The following ZC4H2 variants were observed in gnomAD, a reference collection of about 807,000 sequenced individuals.
ZC4H2 encodes zinc finger C4H2 domain-containing protein.
For synonymous variants in ZC4H2, 84 were observed against 66.3 expected, an observed-to-expected ratio of 1.27 and a Z score of -1.30; for missense variants, 137 against 173.9, an observed-to-expected ratio of 0.79 and a Z score of 1.19.
At chrX:65,023,159 T>A (rs1391586127) in intron 1 of ZC4H2, among the ~76,000 whole-genome samples, 1 of 111,667 alleles carries the variant, frequency 9.0e-6, no homozygotes, top group Non-Finnish European at 1.9e-5. Context: ...TTTGGTTCCA[T>A]ATGAAATTTA....
chrX:64,949,457 C>T (rs980081545), intron 1 of ZC4H2, among the ~76,000 whole-genome samples: 6 of 111,226 alleles, frequency 5.4e-5, no homozygotes, highest in African/African-American at 2.0e-4. Context: ...GATGGCCTTC[C>T]CAAAATCAAA....
intron 4 of ZC4H2, 31 bp from the exon 5 acceptor site, chrX:64,917,927 G>A: frequency 8.4e-7 from 1 of 1,186,166 alleles, no homozygotes. Flanking sequence ...AAGAAAGTTA[G>A]TAGTCAGATT....
intron 1 of ZC4H2, among the ~76,000 whole-genome samples, chrX:64,930,377 T>C (rs1213248091): frequency 8.9e-6 from 1 of 111,869 alleles, no homozygotes; most frequent in Non-Finnish European, 1.9e-5. Context: ...TCTTGTCTGA[T>C]TACACTGGCT....
intron 1 of ZC4H2, among the ~76,000 whole-genome samples, chrX:65,034,227 G>A (rs1293112105): frequency 1.1e-4 from 12 of 111,659 alleles, no homozygotes; most frequent in Non-Finnish European, 2.3e-4. Context: ...TTTGATCACT[G>A]GTAGAAGTAT....
At chrX:65,030,485 C>T (rs1196130955) in intron 1 of ZC4H2, among the ~76,000 whole-genome samples, 1 of 111,999 alleles carries the variant, frequency 8.9e-6, no homozygotes, top group African/African-American at 3.2e-5. Context: ...AAGTCTATTT[C>T]CAATCCTATA....
intron 1 of ZC4H2, among the ~76,000 whole-genome samples, chrX:64,932,351 A>G (rs1157355323): frequency 9.0e-6 from 1 of 111,170 alleles, no homozygotes; most frequent in Non-Finnish European, 1.9e-5. Flanking sequence ...GTTGAGGCCC[A>G]TTTACATTCG....
intron 1 of ZC4H2, among the ~76,000 whole-genome samples, chrX:64,962,099 G>T (rs1931415383): frequency 9.0e-6 from 1 of 111,301 alleles, no homozygotes; most frequent in African/African-American, 3.3e-5. Flanking sequence ...GCTAGATGAA[G>T]ATTCCACAAG....
At chrX:64,934,970 G>C (rs1368701503) in intron 1 of ZC4H2, among the ~76,000 whole-genome samples, 3 of 109,122 alleles carry the variant, frequency 2.7e-5, no homozygotes, top group Non-Finnish European at 5.7e-5. Context: ...AAGGGCCAGC[G>C]AGAAAAAAAT....
intron 1 of ZC4H2, among the ~76,000 whole-genome samples, chrX:65,009,909 G>A (rs1271391976): frequency 9.0e-6 from 1 of 111,609 alleles, no homozygotes; most frequent in East Asian, 2.8e-4. Context: ...TTGCACATAG[G>A]GTAAAATCTC....
intron 1 of ZC4H2, among the ~76,000 whole-genome samples, chrX:64,954,340 T>TTATATATATA (rs1230242512): frequency 5.7e-5 from 4 of 70,672 alleles, no homozygotes; most frequent in African/African-American, 3.4e-4. Context: ...ATATATATAA[T>TTATATATATA]TATATATATA....
intron 1 of ZC4H2, among the ~76,000 whole-genome samples, chrX:64,999,745 C>T (rs1169351755): frequency 8.9e-6 from 1 of 112,085 alleles, no homozygotes; most frequent in Non-Finnish European, 1.9e-5. Context: ...GGCTCTCGAG[C>T]TTGGTAGGGG....
chrX:64,973,179 A>G (rs1931834908), intron 1 of ZC4H2, among the ~76,000 whole-genome samples: 1 of 110,916 alleles, frequency 9.0e-6, no homozygotes, highest in Admixed American at 9.6e-5. Context: ...ATGAAGGCTA[A>G]GTCTGCCTTT....
At chrX:65,016,711 T>C (rs1402990231) in intron 1 of ZC4H2, among the ~76,000 whole-genome samples, 1 of 112,108 alleles carries the variant, frequency 8.9e-6, no homozygotes, top group Non-Finnish European at 1.9e-5. Flanking sequence ...GAGCATCATG[T>C]TATTATTAGT....
At chrX:64,925,802 G>T (rs2147353791) in intron 1 of ZC4H2, among the ~76,000 whole-genome samples, 1 of 112,298 alleles carries the variant, frequency 8.9e-6, no homozygotes, top group African/African-American at 3.2e-5. Flanking sequence ...CAAAGCACCA[G>T]TGGCATTTCC....
intron 1 of ZC4H2, among the ~76,000 whole-genome samples, chrX:64,956,539 C>T (rs1931162661): frequency 9.0e-6 from 1 of 111,409 alleles, no homozygotes; most frequent in Non-Finnish European, 1.9e-5. Flanking sequence ...AGACCAGAAA[C>T]CCAAAATGAT....
intron 4 of ZC4H2, 146 bp downstream of exon 4, chrX:64,918,896 A>C: frequency 2.8e-6 from 2 of 714,107 alleles, no homozygotes; most frequent in Admixed American, 4.1e-5. Flanking sequence ...CAGCACACCC[A>C]TGTCACCCCT....
intron 1 of ZC4H2, among the ~76,000 whole-genome samples, chrX:64,932,732 G>A (rs1460299440): frequency 9.0e-6 from 1 of 111,599 alleles, no homozygotes; most frequent in Admixed American, 9.5e-5. Context: ...GAAATCTGCT[G>A]TTAATCTGAT....
chrX:64,992,909 G>A (rs1932337201), intron 1 of ZC4H2, among the ~76,000 whole-genome samples: 1 of 111,238 alleles, frequency 9.0e-6, no homozygotes, highest in Admixed American at 9.6e-5. Context: ...TGATTCCTGA[G>A]TATTTCACAG....
intron 1 of ZC4H2, among the ~76,000 whole-genome samples, chrX:64,955,959 C>T (rs1376741151): frequency 9.0e-6 from 1 of 111,542 alleles, no homozygotes; most frequent in Non-Finnish European, 1.9e-5. Flanking sequence ...TATGAGGAGG[C>T]CTTTACTCTT....
Sources: gnomAD v4.1 joint callset for allele counts (sites outside exome capture counted in the v4.1 genomes callset) on GRCh38, gnomAD v4.1.1 for gene constraint, MANE v1.5 for transcripts, NCBI Gene and HGNC (gene_info 2026-07-23, HGNC 2026-07-21) for gene names.